The following VPS54 variants were observed in gnomAD, a reference collection of about 807,000 sequenced individuals.
VPS54 encodes the protein vacuolar protein sorting-associated protein 54.
A neutral mutation model predicts 121.5 loss-of-function variants in VPS54; 45 were observed. The ratio of observed to expected loss-of-function variants is 0.37; its 90% CI spans 0.29 to 0.47. The LOEUF is 0.47. Among genes scored for constraint, VPS54 ranks in the 20% least tolerant of loss-of-function variants. The pLI, the probability that VPS54 is intolerant of heterozygous loss-of-function variation, is 0.99. For missense variants in VPS54, 1,090 were observed against 1,131.4 expected (o/e 0.96, Z 0.52); for synonymous variants, 371 against 385.8 (o/e 0.96, Z 0.45).
At chr2:64,017,518 A>T (rs1469669306) in intron 1 of VPS54, among the ~76,000 whole-genome samples, 1 of 152,204 alleles carries the variant, frequency 6.6e-6, no homozygotes, top group Non-Finnish European at 1.5e-5. Context: ...ACCTTTTCCT[A>T]GTAAACTTTT....
chr2:63,926,199 C>T (rs1673893052), intron 12 of VPS54, among the ~76,000 whole-genome samples: 1 of 152,078 alleles, frequency 6.6e-6, no homozygotes, highest in African/African-American at 2.4e-5. Context: ...ATGAAAACTA[C>T]ACATGAGAAT....
At chr2:64,012,695 A>C (rs1278641081) in intron 1 of VPS54, among the ~76,000 whole-genome samples, 3 of 149,948 alleles carry the variant, frequency 2.0e-5, no homozygotes, top group Non-Finnish European at 4.4e-5. Context: ...GCCCATCAAA[A>C]AAAAAAAAAA....
At chr2:63,948,015 G>C (rs1043813769) in intron 8 of VPS54, among the ~76,000 whole-genome samples, 1 of 152,056 alleles carries the variant, frequency 6.6e-6, no homozygotes, top group African/African-American at 2.4e-5. Flanking sequence ...TTTTAAATTT[G>C]TTTTGTAGAC....
intron 7 of VPS54, among the ~76,000 whole-genome samples, chr2:63,957,370 A>C (rs1424542026): frequency 6.7e-6 from 1 of 149,254 alleles, no homozygotes; most frequent in Non-Finnish European, 1.5e-5. Flanking sequence ...TGAATCCGGG[A>C]GGCGGAGCTT....
intron 10 of VPS54, among the ~76,000 whole-genome samples, chr2:63,943,739 T>TTTC (rs1674847905): frequency 2.7e-5 from 4 of 148,838 alleles, no homozygotes; most frequent in African/African-American, 9.8e-5. Context: ...TTTTTTTTTT[T>TTTC]TTTGAGACAG....
At chr2:63,991,592 T>A (rs1310559472) in intron 1 of VPS54, among the ~76,000 whole-genome samples, 1 of 152,210 alleles carries the variant, frequency 6.6e-6, no homozygotes, top group Admixed American at 6.5e-5. Flanking sequence ...CCAAGCCGGC[T>A]CAACAAACAT....
chr2:63,975,039 T>G (rs1375549025), intron 3 of VPS54: 3 of 1,548,852 alleles, frequency 1.9e-6, no homozygotes, highest in Non-Finnish European at 2.6e-6. Flanking sequence ...CTACAGAGTT[T>G]TTGTAGATTT....
Position 63,965,897 on chromosome 2 carries a change from A to C in VPS54, c.562T>G (p.Phe188Val), listed in dbSNP as rs1168258726. The part of the protein sequence containing the change: ...TFNSVLPWSH[F>V]NTAGGKGNRD... ...TTTCCTTTTCCACCAGCAGTATTAA[A>C]ATGAGACCATGGTAAAACTGAATTA... is the stretch of plus-strand genomic sequence containing the variant. The change falls in exon 6 of 23, where the codon TTT (phenylalanine) becomes GTT (valine). Residue 188 changes from phenylalanine (F) to valine (V), a missense_variant. By Grantham distance (50) the Phe-to-Val change is conservative. Around this residue, in one of 2 missense-constraint regions of VPS54, gnomAD observed 801 missense variants for 757.0 expected, o/e 1.06. Coordinates refer to ENST00000272322, the MANE Select transcript of VPS54 (RefSeq NM_016516.3). The C allele has an allele frequency of 6.2e-7, 1 of 1,613,196 alleles. No homozygotes were observed. The highest frequency in any genetic ancestry group is 1.3e-5 in the African/African-American group (1 of 75,026).
chr2:63,919,466 C>A (rs903802606), intron 15 of VPS54, among the ~76,000 whole-genome samples: 1 of 152,068 alleles, frequency 6.6e-6, no homozygotes, highest in African/African-American at 2.4e-5. Context: ...TTACTCAATT[C>A]ATGTATGTAA....
chr2:63,956,569 TCAAA>T (rs1488875740), intron 7 of VPS54, among the ~76,000 whole-genome samples: 2 of 152,130 alleles, frequency 1.3e-5, no homozygotes, highest in African/African-American at 4.8e-5. Flanking sequence ...CATAAGATCC[TCAAA>T]CAAATATATT....
chr2:63,971,409 C>A (rs1676279751), intron 4 of VPS54, among the ~76,000 whole-genome samples: 1 of 152,194 alleles, frequency 6.6e-6, no homozygotes, highest in Admixed American at 6.5e-5. Flanking sequence ...AAATTCCTTA[C>A]CACAGCATAT....
intron 1 of VPS54, among the ~76,000 whole-genome samples, chr2:63,985,680 TACACACACACACACACACACACACAC>T: frequency 6.9e-6 from 1 of 145,040 alleles, no homozygotes; most frequent in Non-Finnish European, 1.5e-5. Context: ...TGACAAATTA[TACACACACACACACACACACACACAC>T]ACACACACAC....
chr2:63,913,307 A>C lies in VPS54; in HGVS notation c.2338T>G (p.Phe780Val), dbSNP rs1673233296. 1 of 1,609,026 alleles carries C rather than the reference A, an allele frequency of 6.2e-7. No individual in the cohort carries two copies. The highest frequency in any genetic ancestry group is 1.3e-5 in the African/African-American group (1 of 74,656). ...ACTAACTGGCAACTTCTTGAATTGA[A>C]GTACTAACAAAAGAAGGAGAAAAAA... Reference protein sequence around the residue: ...LTRLSDLLKYFNSRSCQLVLG... With the variant: ...LTRLSDLLKYVNSRSCQLVLG... Residue 780 changes from phenylalanine (F) to valine (V), a missense_variant, in exon 18 of 23, where the codon TTC becomes GTC. This residue lies in a region of VPS54 where 289 missense variants were observed against 374.4 expected (regional missense o/e 0.77). Transcript: ENST00000272322.
chr2:63,995,303 T>C (rs1278700711), intron 1 of VPS54, among the ~76,000 whole-genome samples: 2 of 152,234 alleles, frequency 1.3e-5, no homozygotes, highest in African/African-American at 2.4e-5. Context: ...GTCCAATGCA[T>C]TGTCATTTAT....
At chr2:63,915,276 A>G (rs949974445) in intron 16 of VPS54, among the ~76,000 whole-genome samples, 7 of 152,044 alleles carry the variant, frequency 4.6e-5, no homozygotes, top group African/African-American at 1.7e-4. Flanking sequence ...GAAATTAAGG[A>G]GAAAGCCATT....
At chr2:63,917,025 G>T in intron 15 of VPS54, 62 bp from the exon 16 acceptor site, 1 of 1,559,266 alleles carries the variant, frequency 6.4e-7, no homozygotes. Context: ...TAGAGAAAAA[G>T]CTGAAGAAGA....
chr2:63,960,849 C>A (rs1249136498), intron 7 of VPS54, among the ~76,000 whole-genome samples: 4 of 152,012 alleles, frequency 2.6e-5, no homozygotes, highest in African/African-American at 9.7e-5. Context: ...AAGTAGACTT[C>A]AAAAAAACAT....
chr2:63,943,760 C>G (rs2104513825), intron 10 of VPS54, among the ~76,000 whole-genome samples: 1 of 125,102 alleles, frequency 8.0e-6, no homozygotes, highest in South Asian at 2.4e-4. Context: ...GCTCTTACTT[C>G]CTTGTGCAGG....
At chr2:63,942,349 T>C in intron 11 of VPS54, 116 bp downstream of exon 11, 1 of 710,790 alleles carries the variant, frequency 1.4e-6, no homozygotes, top group Non-Finnish European at 2.1e-6. Flanking sequence ...TTAGAAAAAT[T>C]ACAAAAACAA....
Sources: gnomAD v4.1 joint callset for allele counts (sites outside exome capture counted in the v4.1 genomes callset) on GRCh38, gnomAD v4.1.1 for gene constraint, gnomAD v4.1.1 regional missense constraint, MANE v1.5 for transcripts, NCBI Gene and HGNC (gene_info 2026-07-23, HGNC 2026-07-21) for gene names.